Variants in EEIG1 observed in about 807,000 individuals in gnomAD.
EEIG1 encodes the protein early estrogen-induced gene 1 protein.
chr9:127,965,106 C>CAAAAAAAAAAAAAA, the EEIG1 span, among the ~76,000 whole-genome samples: 2 of 69,724 alleles, frequency 2.9e-5, no homozygotes, highest in African/African-American at 5.6e-5. Flanking sequence ...AAGACTGTCT[C>CAAAAAAAAAAAAAA]AAAAAAAAAA....
At chr9:127,966,001 C>A in the EEIG1 span, among the ~76,000 whole-genome samples, 1 of 152,222 alleles carries the variant, frequency 6.6e-6, no homozygotes, top group Admixed American at 6.5e-5. Context: ...CACCTGGCAG[C>A]CCCAAAACGC....
chr9:127,973,172 G>A, the EEIG1 span, among the ~76,000 whole-genome samples: 1 of 152,108 alleles, frequency 6.6e-6, no homozygotes, highest in African/African-American at 2.4e-5. This position sits in a 1 kb window ranked among gnomAD's most constrained non-coding sequence, Gnocchi z 4.2. Flanking sequence ...CCAGCAGCAA[G>A]CGAGTGACTG....
chr9:127,942,994 T>C, the EEIG1 span: 1 of 620,746 alleles, frequency 1.6e-6, no homozygotes, highest in Non-Finnish European at 2.9e-6. Context: ...TGCCTGGGCC[T>C]TGGTGGGCCA....
the EEIG1 span, among the ~76,000 whole-genome samples, chr9:127,969,779 A>G: frequency 2.6e-5 from 4 of 152,166 alleles, no homozygotes; most frequent in Admixed American, 2.6e-4. Flanking sequence ...TCAGGTCAGA[A>G]CGGTTCAGGC....
At chr9:127,972,900 G>T in the EEIG1 span, among the ~76,000 whole-genome samples, 5 of 152,150 alleles carry the variant, frequency 3.3e-5, no homozygotes, top group Non-Finnish European at 2.9e-5. The surrounding 1 kb of genome is among the most constrained non-coding windows in gnomAD (Gnocchi z 4.3). Context: ...GGCAGCTTTG[G>T]GCCTTACTGA....
the EEIG1 span, chr9:127,941,510 G>A: frequency 0.79 from 120,009 of 152,410 alleles, 48,147 homozygotes; most frequent in Non-Finnish European, 0.87. Context: ...CAGCGCGAGC[G>A]AACACTCTGT....
At chr9:127,951,089 C>A in the EEIG1 span, among the ~76,000 whole-genome samples, 3 of 152,080 alleles carry the variant, frequency 2.0e-5, no homozygotes, top group African/African-American at 7.2e-5. Flanking sequence ...GACCTCTGGA[C>A]AGAGGATCGA....
At chr9:127,977,562 C>T in the EEIG1 span, among the ~76,000 whole-genome samples, 1 of 152,234 alleles carries the variant, frequency 6.6e-6, no homozygotes, top group Non-Finnish European at 1.5e-5. Flanking sequence ...ACCCCACCGC[C>T]CACCAAAGAC....
chr9:127,948,257 C>T, the EEIG1 span: 1 of 1,613,010 alleles, frequency 6.2e-7, no homozygotes, highest in Admixed American at 1.7e-5. Context: ...GACTAGGGTG[C>T]CCTGCTTCAG....
chr9:127,948,318 T>C, the EEIG1 span: 5 of 1,612,500 alleles, frequency 3.1e-6, no homozygotes, highest in African/African-American at 2.7e-5. Flanking sequence ...CCACCCCTAG[T>C]GCCCGGGACT....
At chr9:127,980,190 C>G in the EEIG1 span, 2 of 1,559,164 alleles carry the variant, frequency 1.3e-6, no homozygotes, top group Non-Finnish European at 1.7e-6. Flanking sequence ...TGGAGAGGGA[C>G]GGGATTCCTT....
At chr9:127,970,605 C>T in the EEIG1 span, among the ~76,000 whole-genome samples, 23 of 152,168 alleles carry the variant, frequency 1.5e-4, no homozygotes, top group Admixed American at 6.5e-4. Flanking sequence ...ACCTGCCCTT[C>T]TGCAACCTGC....
the EEIG1 span, among the ~76,000 whole-genome samples, chr9:127,959,022 G>A: frequency 6.6e-6 from 1 of 152,186 alleles, no homozygotes; most frequent in East Asian, 1.9e-4. Flanking sequence ...GCGAAGATGT[G>A]GAGAAAGTGG....
At chr9:127,976,034 G>T in the EEIG1 span, among the ~76,000 whole-genome samples, 1 of 152,146 alleles carries the variant, frequency 6.6e-6, no homozygotes, top group East Asian at 1.9e-4. The surrounding 1 kb of genome is among the most constrained non-coding windows in gnomAD (Gnocchi z 4.1). Context: ...AAGGTCCTGG[G>T]GACACTTTTC....
the EEIG1 span, among the ~76,000 whole-genome samples, chr9:127,970,362 T>C: frequency 6.6e-6 from 1 of 152,106 alleles, no homozygotes; most frequent in Non-Finnish European, 1.5e-5. Flanking sequence ...CAAATGATCC[T>C]CCTGCCTCGG....
chr9:127,960,868 C>T, the EEIG1 span, among the ~76,000 whole-genome samples: 1 of 152,100 alleles, frequency 6.6e-6, no homozygotes, highest in Non-Finnish European at 1.5e-5. Flanking sequence ...AGCACTGGGC[C>T]TCCCTCCTGT....
the EEIG1 span, among the ~76,000 whole-genome samples, chr9:127,949,423 C>G: frequency 6.6e-6 from 1 of 151,890 alleles, no homozygotes; most frequent in African/African-American, 2.4e-5. Flanking sequence ...GATGAGGGAA[C>G]CAAGACTCAG....
At chr9:127,949,457 C>T in the EEIG1 span, among the ~76,000 whole-genome samples, 1 of 152,188 alleles carries the variant, frequency 6.6e-6, no homozygotes, top group Non-Finnish European at 1.5e-5. Context: ...CTCCCAAGAC[C>T]TTGCAGACAG....
the EEIG1 span, chr9:127,944,912 TG>T: frequency 6.2e-7 from 1 of 1,608,154 alleles, no homozygotes. Context: ...GGTCAGGTCG[TG>T]GGGGGACAAG....
Sources: gnomAD v4.1 joint callset for allele counts (sites outside exome capture counted in the v4.1 genomes callset) on GRCh38, gnomAD v4.1.1 for gene constraint, Gnocchi (gnomAD v3.1) non-coding constraint, MANE v1.5 for transcripts, NCBI Gene and HGNC (gene_info 2026-07-23, HGNC 2026-07-21) for gene names.